TUSC3: variants seen among roughly 807,000 people sequenced by gnomAD.
TUSC3 encodes tumor suppressor candidate 3, also known as dolichyl-diphosphooligosaccharide--protein glycosyltransferase subunit TUSC3.
A neutral mutation model predicts 44.8 loss-of-function variants in TUSC3; 45 were observed. That is an observed-to-expected ratio of 1.00 (90% CI 0.79 to 1.29). The LOEUF is 1.29. Among genes scored for constraint, TUSC3 ranks in the 50% most tolerant of loss-of-function variants. The probability of loss-of-function intolerance (pLI) is 0.00; values close to 1 mark genes in which losing one functional copy is unlikely to be tolerated. For missense variants in TUSC3, 519 were observed against 437.9 expected, an observed-to-expected ratio of 1.19 and a Z score of -1.65; for synonymous variants, 212 against 152.9, an observed-to-expected ratio of 1.39 and a Z score of -2.85.
chr8:15,654,039 A>C (rs1585196909), intron 3 of TUSC3, among the ~76,000 whole-genome samples: 1 of 152,292 alleles, frequency 6.6e-6, no homozygotes, highest in Non-Finnish European at 1.5e-5. Context: ...CTCATCCAGG[A>C]AACAGGTCTA....
chr8:15,435,114 G>A lies in TUSC3; in HGVS notation n.91+17809G>A, dbSNP rs570571934. Among the ~76,000 whole-genome samples the A allele has an allele frequency of 3.9e-4, 58 of 149,090 alleles. 1 individual carries two copies. In the East Asian group the frequency reaches 8.7e-3, roughly 22 times the overall value. ...TAGATCCCTGAGGAATCGCCACACCGACTTCCACAATGGTTGAACTAGTTT... is the reference window on the plus strand; with the variant it reads ...TAGATCCCTGAGGAATCGCCACACCAACTTCCACAATGGTTGAACTAGTTT... On this transcript the variant is annotated intron_variant and non_coding_transcript_variant, in intron 1 of 5. Transcript: ENST00000503191.
intron 2 of TUSC3, among the ~76,000 whole-genome samples, chr8:15,635,460 G>A (rs1423028688): frequency 6.6e-6 from 1 of 152,134 alleles, no homozygotes; most frequent in African/African-American, 2.4e-5. Context: ...TTATGTTTTG[G>A]TGGCTTTTGT....
intron 1 of TUSC3, among the ~76,000 whole-genome samples, chr8:15,620,385 A>G (rs1805192012): frequency 6.6e-6 from 1 of 152,334 alleles, no homozygotes; most frequent in Admixed American, 6.5e-5. Flanking sequence ...GGAAAATTAC[A>G]TATAGTTAGA....
At chr8:15,613,442 A>G (rs1804849415) in intron 1 of TUSC3, among the ~76,000 whole-genome samples, 1 of 152,170 alleles carries the variant, frequency 6.6e-6, no homozygotes, top group South Asian at 2.1e-4. Context: ...ATGCAGTGCT[A>G]AGAGTTTTCC....
At chr8:15,721,232 A>G (rs1810294981) in intron 6 of TUSC3, among the ~76,000 whole-genome samples, 1 of 152,074 alleles carries the variant, frequency 6.6e-6, no homozygotes. Flanking sequence ...TTATTAGCAA[A>G]TCTGGATTAG....
At chr8:15,554,160 C>CA (rs1347885854) in intron 1 of TUSC3, among the ~76,000 whole-genome samples, 1 of 46,698 alleles carries the variant, frequency 2.1e-5, no homozygotes, top group Non-Finnish European at 6.4e-5. Context: ...GTCATCTCTT[C>CA]AAACCCCACC....
chr8:15,803,876 A>T, the TUSC3 span, among the ~76,000 whole-genome samples: 1 of 152,296 alleles, frequency 6.6e-6, no homozygotes, highest in African/African-American at 2.4e-5. Context: ...AAAGGACATG[A>T]ACTCATTCTT....
chr8:15,724,966 G>C (rs1810446317), intron 6 of TUSC3, among the ~76,000 whole-genome samples: 2 of 152,134 alleles, frequency 1.3e-5, no homozygotes, highest in South Asian at 4.1e-4. Context: ...ACCAAAAAGA[G>C]TTTTTGTGGA....
At chr8:15,746,108 C>T (rs139170490) in intron 8 of TUSC3, among the ~76,000 whole-genome samples, 3 of 151,972 alleles carry the variant, frequency 2.0e-5, no homozygotes, top group African/African-American at 4.8e-5. Context: ...CTATTCTGTT[C>T]CATTGGTCTG....
chr8:15,785,503 A>G, the TUSC3 span, among the ~76,000 whole-genome samples: 1 of 148,940 alleles, frequency 6.7e-6, no homozygotes, highest in African/African-American at 2.5e-5. Context: ...TTGAACTACC[A>G]TCCTGACCTT....
At chr8:15,441,779 G>C (rs1800023189) in intron 1 of TUSC3, among the ~76,000 whole-genome samples, 1 of 152,148 alleles carries the variant, frequency 6.6e-6, no homozygotes, top group South Asian at 2.1e-4. Flanking sequence ...GAGGTGTCCT[G>C]AGTGTTCCAG....
Position 15,623,113 on chromosome 8 carries a change from G to C in TUSC3, c.172G>C (p.Glu58Gln). 6 of 1,613,840 alleles carry C rather than the reference G, an allele frequency of 3.7e-6. No individual in the cohort carries two copies. The highest frequency in any genetic ancestry group is 4.2e-6 in the Non-Finnish European group (5 of 1,179,892). Residue 58 changes from glutamate to glutamine, a missense_variant, in exon 2 of 11, where the codon GAA becomes CAA. Transcript: ENST00000503731. ...LLAEKVEQLM[E>Q]WSSRRSIFRM... Reference sequence around the variant, plus strand: ...AGCTGAAAAAGTAGAGCAGCTGATGGAATGGAGTTCCAGACGCTCAATCTT... The same window carrying C: ...AGCTGAAAAAGTAGAGCAGCTGATGCAATGGAGTTCCAGACGCTCAATCTT...
At chr8:15,464,154 T>C (rs556821701) in intron 1 of TUSC3, among the ~76,000 whole-genome samples, 1 of 152,328 alleles carries the variant, frequency 6.6e-6, no homozygotes, top group Admixed American at 6.5e-5. Context: ...GATAACTGAT[T>C]CTTCCAGGTA....
chr8:15,439,018 C>T (rs920472667), intron 1 of TUSC3, among the ~76,000 whole-genome samples: 4 of 152,138 alleles, frequency 2.6e-5, no homozygotes, highest in South Asian at 2.1e-4. Flanking sequence ...ACCCTCTGAC[C>T]GGAAGGAGCA....
intron 2 of TUSC3, among the ~76,000 whole-genome samples, chr8:15,533,112 G>C (rs1801472874): frequency 6.6e-6 from 1 of 152,090 alleles, no homozygotes; most frequent in African/African-American, 2.4e-5. Context: ...TTTTAAAAAT[G>C]GGAGTTTCCC....
rs73526629 is a variant in TUSC3 at position 15,627,602 on chromosome 8, G to C, written c.308+4353G>C. 9.2e-3 allele frequency among the ~76,000 whole-genome samples: 1,397 copies of C among 152,364 alleles called. 19 individuals carry two copies. Among genetic ancestry groups the C allele is most frequent in the African/African-American group, 0.032 (1,322 of 41,588 alleles). On this transcript the variant is annotated intron_variant, in intron 2 of 10. Coordinates refer to ENST00000503731, the MANE Select transcript of TUSC3 (RefSeq NM_006765.4). ...GAGCCCAGACCTGGGAGCTTCCTGA[G>C]CCAGGGCTGTGACTCCCTTTTTGGG... is the stretch of plus-strand genomic sequence containing the variant.
intron 1 of TUSC3, among the ~76,000 whole-genome samples, chr8:15,604,442 T>G (rs1478476076): frequency 6.6e-6 from 1 of 151,770 alleles, no homozygotes; most frequent in Non-Finnish European, 1.5e-5. Flanking sequence ...TTTATTATTA[T>G]TTGTGCTTTT....
chr8:15,505,357 G>C (rs565616058), intron 2 of TUSC3, among the ~76,000 whole-genome samples: 1 of 152,332 alleles, frequency 6.6e-6, no homozygotes, highest in Admixed American at 6.5e-5. Flanking sequence ...TAATGGCATT[G>C]TGCCAAGTCT....
intron 2 of TUSC3, among the ~76,000 whole-genome samples, chr8:15,504,617 ATATATTTTTTTT>A (rs1236289063): frequency 1.7e-4 from 3 of 17,384 alleles, no homozygotes; most frequent in African/African-American, 7.0e-4. Flanking sequence ...ATATATATAT[ATATATTTTTTTT>A]TTTTTTTTTT....
Sources: gnomAD v4.1 joint callset for allele counts (sites outside exome capture counted in the v4.1 genomes callset) on GRCh38, gnomAD v4.1.1 for gene constraint, MANE v1.5 for transcripts, NCBI Gene and HGNC (gene_info 2026-07-23, HGNC 2026-07-21) for gene names.